The following HMGN5 variants were observed in gnomAD, a reference collection of about 807,000 sequenced individuals.
HMGN5 encodes the protein high mobility group nucleosome-binding domain-containing protein 5.
A neutral mutation model predicts 9.5 loss-of-function variants in HMGN5; 4 were observed. That is an observed-to-expected ratio of 0.42 (90% CI 0.21 to 0.96). The LOEUF is 0.96. Among genes scored for constraint, HMGN5 ranks in the 40% least tolerant of loss-of-function variants. HMGN5 has a pLI of 0.30. For synonymous variants in HMGN5, 55 were observed against 57.1 expected (o/e 0.96, Z 0.16); for missense variants, 192 against 187.5 (o/e 1.02, Z -0.14).
chrX:81,121,424 T>C lies in HMGN5; in HGVS notation c.15+111A>G, dbSNP rs533576568. 7.5e-5 allele frequency: 59 copies of C among 786,019 alleles called. No homozygotes were observed. In the African/African-American group the frequency reaches 1.1e-3, roughly 15 times the overall value. 64.8% of individuals were successfully genotyped at this position (786,019 alleles called of 1,213,427 possible). On this transcript the variant is annotated intron_variant, in intron 2 of 6. Coordinates refer to ENST00000358130, the MANE Select transcript of HMGN5 (RefSeq NM_030763.3). ...CTTTCCGTTTCATTACATCACAAAA[T>C]GGAAGAAGCCAAAAAGCTTTAAAAA...
At chrX:81,140,559 C>CAAAA (rs1227925535) in intron 1 of HMGN5, among the ~76,000 whole-genome samples, 6 of 33,605 alleles carry the variant, frequency 1.8e-4, no homozygotes, top group African/African-American at 3.1e-4. Context: ...GACTCTGTCT[C>CAAAA]AAAAAAAAAA....
At chrX:81,186,814 A>T (rs1171096703) in intron 1 of HMGN5, among the ~76,000 whole-genome samples, 1 of 111,157 alleles carries the variant, frequency 9.0e-6, no homozygotes, top group Non-Finnish European at 1.9e-5. Context: ...TATTTGAAGT[A>T]TTTTTTTATG....
At chrX:81,180,434 C>T (rs1304199784) in intron 1 of HMGN5, among the ~76,000 whole-genome samples, 1 of 112,127 alleles carries the variant, frequency 8.9e-6, no homozygotes, top group Admixed American at 9.4e-5. Context: ...ATGCAGTCAA[C>T]AGACACCAGA....
intron 1 of HMGN5, among the ~76,000 whole-genome samples, chrX:81,144,875 C>T (rs754362147): frequency 9.0e-6 from 1 of 111,354 alleles, no homozygotes; most frequent in Non-Finnish European, 1.9e-5. Context: ...ATTGCCAAAT[C>T]GATCAAGTGG....
rs758188941 is a variant in HMGN5 at position 81,137,378 on chromosome X, G to T, written c.-123-15706C>A. ...AAAATAATTGAAATGATACAGATATGTTCTCTGACAATAATGAAATCAAAT... is the reference window on the plus strand; with the variant it reads ...AAAATAATTGAAATGATACAGATATTTTCTCTGACAATAATGAAATCAAAT... On this transcript the variant is annotated intron_variant, in intron 1 of 6. Coordinates refer to ENST00000358130, the MANE Select transcript of HMGN5 (RefSeq NM_030763.3). Among the ~76,000 whole-genome samples, 9 of 111,647 alleles carry T rather than the reference G, an allele frequency of 8.1e-5. No individual in the cohort carries two copies. In the East Asian group the frequency reaches 2.5e-3, roughly 31 times the overall value.
At chrX:81,153,640 T>TATAA (rs2075374973) in intron 1 of HMGN5, among the ~76,000 whole-genome samples, 1 of 51,399 alleles carries the variant, frequency 1.9e-5, no homozygotes, top group African/African-American at 7.8e-5. Flanking sequence ...TATATATATA[T>TATAA]GTATCTCCTT....
intron 1 of HMGN5, among the ~76,000 whole-genome samples, chrX:81,173,033 G>A (rs1381484711): frequency 9.0e-6 from 1 of 111,173 alleles, no homozygotes; most frequent in African/African-American, 3.2e-5. Flanking sequence ...TAGAATTTAT[G>A]TCTACAGATA....
chrX:81,132,135 C>T (rs1330884652), intron 1 of HMGN5, among the ~76,000 whole-genome samples: 4 of 111,033 alleles, frequency 3.6e-5, no homozygotes, highest in Non-Finnish European at 7.6e-5. Context: ...CAACAAAATA[C>T]CTAGGACTAG....
At chrX:81,148,693 C>A (rs2075352533) in intron 1 of HMGN5, among the ~76,000 whole-genome samples, 1 of 111,468 alleles carries the variant, frequency 9.0e-6, no homozygotes, top group Non-Finnish European at 1.9e-5. Flanking sequence ...AGCGAACAGG[C>A]AGCCTACAGA....
chrX:81,119,665 G>T, intron 3 of HMGN5, 123 bp downstream of exon 3: 3 of 529,905 alleles, frequency 5.7e-6, no homozygotes, highest in Non-Finnish European at 9.5e-6. Flanking sequence ...GATCCCACTG[G>T]TATACCATAT....
intron 1 of HMGN5, among the ~76,000 whole-genome samples, chrX:81,200,120 A>G (rs879239744): frequency 8.9e-6 from 1 of 112,929 alleles, no homozygotes; most frequent in Non-Finnish European, 1.9e-5. Flanking sequence ...GACATATGCA[A>G]AAATGCTCAT....
intron 1 of HMGN5, among the ~76,000 whole-genome samples, chrX:81,134,814 A>G (rs971926960): frequency 4.5e-5 from 5 of 111,854 alleles, no homozygotes; most frequent in East Asian, 2.8e-4. Context: ...CAAAGACACA[A>G]TTACATTTGT....
chrX:81,147,308 T>A (rs1019137870), intron 1 of HMGN5, among the ~76,000 whole-genome samples: 1 of 111,588 alleles, frequency 9.0e-6, no homozygotes, highest in Admixed American at 9.6e-5. Flanking sequence ...ATGATCAAGT[T>A]GGCTTCATCC....
intron 1 of HMGN5, among the ~76,000 whole-genome samples, chrX:81,174,736 A>G (rs1033837709): frequency 4.5e-5 from 5 of 111,758 alleles, no homozygotes; most frequent in African/African-American, 1.6e-4. Context: ...GAAAGTACAT[A>G]AAATACACAC....
intron 1 of HMGN5, among the ~76,000 whole-genome samples, chrX:81,174,053 G>T (rs1036366152): frequency 3.6e-5 from 4 of 110,843 alleles, no homozygotes; most frequent in South Asian, 3.8e-4. Flanking sequence ...GTTAACAAAA[G>T]ATATTAATAT....
At position 81,144,826 on chromosome X, in the gene HMGN5, A is replaced by G. The variant is rs74321619; in HGVS notation, c.-123-23154T>C. Among the ~76,000 whole-genome samples, 26 of 112,102 alleles carry G rather than the reference A, an allele frequency of 2.3e-4. No homozygotes were observed. In the South Asian group the frequency reaches 9.7e-3, roughly 42 times the overall value. On this transcript the variant is annotated intron_variant, in intron 1 of 6. Coordinates refer to ENST00000358130, the MANE Select transcript of HMGN5 (RefSeq NM_030763.3). ...ATAAATGACCTGATGGAGCTGAAAA[A>G]CATAGCACAAGAACTTCTTGAAGCA...
At chrX:81,139,770 A>T (rs1215246917) in intron 1 of HMGN5, among the ~76,000 whole-genome samples, 1 of 112,098 alleles carries the variant, frequency 8.9e-6, no homozygotes. Context: ...AACTCAGCTG[A>T]TGCCTGTCCA....
At chrX:81,167,700 TAGTA>T (rs1167570297) in intron 1 of HMGN5, among the ~76,000 whole-genome samples, 3 of 112,240 alleles carry the variant, frequency 2.7e-5, no homozygotes, top group Non-Finnish European at 5.6e-5. Context: ...AAGTTAAAAA[TAGTA>T]AGCCAGGAAT....
chrX:81,140,849 G>A (rs992206476), intron 1 of HMGN5, among the ~76,000 whole-genome samples: 3 of 111,533 alleles, frequency 2.7e-5, no homozygotes, highest in Non-Finnish European at 5.7e-5. Context: ...AGTGCATCAA[G>A]CAGTCCCCTG....
Sources: gnomAD v4.1 joint callset for allele counts (sites outside exome capture counted in the v4.1 genomes callset) on GRCh38, gnomAD v4.1.1 for gene constraint, MANE v1.5 for transcripts, NCBI Gene and HGNC (gene_info 2026-07-23, HGNC 2026-07-21) for gene names.